The following NGRN variants were observed in gnomAD, a reference collection of about 807,000 sequenced individuals.
The protein encoded by NGRN is neugrin.
A neutral mutation model predicts 13.1 loss-of-function variants in NGRN; 12 were observed. The ratio of observed to expected loss-of-function variants is 0.92; its 90% CI spans 0.59 to 1.49. The LOEUF is 1.49. NGRN is among the 40% of genes most tolerant of loss of function. The pLI, the probability that NGRN is intolerant of heterozygous loss-of-function variation, is 0.00. For missense variants in NGRN, 397 were observed against 357.0 expected (o/e 1.11, Z -0.90); for synonymous variants, 149 against 145.8 (o/e 1.02, Z -0.16).
At position 90,266,330 on chromosome 15, in the gene NGRN, T is replaced by A; in HGVS notation, c.207T>A (p.Ile69=). The change falls in exon 2 of 3, where the codon ATT becomes ATA. Residue 69 remains isoleucine, a synonymous_variant. Transcript: ENST00000379095. ...RQKQAIRFQK[I]RRQMEAPGAP... is the part of the protein sequence containing the mutation. ...AACAAGCAATCCGATTCCAGAAAAT[T>A]CGGAGGCAAATGGAGGCGCCTGGTG... The A allele has an allele frequency of 6.2e-7, 1 of 1,613,866 alleles. No individual in the cohort carries two copies. Among genetic ancestry groups the A allele is most frequent in the Non-Finnish European group, 8.5e-7 (1 of 1,179,936 alleles).
chr15:90,271,207 C>G lies in NGRN; in HGVS notation c.295C>G (p.Pro99Ala), dbSNP rs1325908732. 1.2e-6 allele frequency: 2 copies of G among 1,611,436 alleles called. No homozygotes were observed. The highest frequency in any genetic ancestry group is 2.7e-5 in the African/African-American group (2 of 74,660). Reference protein sequence around the residue: ...EQIRYLHEEFPESWSVPRLAE... With the variant: ...EQIRYLHEEFAESWSVPRLAE... The stretch of plus-strand genomic sequence containing the variant: ...CCGTAGGTATTTACATGAGGAATTT[C>G]CAGAGTCCTGGTCAGTTCCCAGGTT... The change falls in exon 3 of 3, where the codon CCA becomes GCA. Residue 99 changes from proline (P) to alanine (A), a missense_variant. Physicochemically the swap from Pro to Ala is conservative, Grantham distance 27. Coordinates refer to ENST00000379095, the MANE Select transcript of NGRN (RefSeq NM_001033088.3).
In NGRN at chr15:90,266,411, A is replaced by T. The variant is rs1963422663; in HGVS notation, c.275+13A>T. ...TGGAGCAGATACGGTGAGACTCAGG[A>T]TACCTTGTTTGTATCCGCTGTGATG... is the stretch of plus-strand genomic sequence containing the variant. On this transcript the variant is annotated intron_variant, in intron 2 of 2. Transcript: ENST00000379095. 6 of 1,604,848 alleles carry T rather than the reference A, an allele frequency of 3.7e-6. No homozygotes were observed. In the East Asian group the frequency reaches 1.3e-4, roughly 36 times the overall value.
At chr15:90,271,118 G>C in intron 2 of NGRN, 70 bp from the exon 3 acceptor site, 1 of 1,530,690 alleles carries the variant, frequency 6.5e-7, no homozygotes, top group Non-Finnish European at 8.8e-7. Context: ...CTTTATCATA[G>C]GTATTGCGAG....
At chr15:90,267,860 A>AT (rs1325891134) in intron 2 of NGRN, among the ~76,000 whole-genome samples, 44 of 152,314 alleles carry the variant, frequency 2.9e-4, no homozygotes, top group Middle Eastern at 3.4e-3. Context: ...CCCTACATAG[A>AT]TTATGTACTA....
chr15:90,271,967 C>T lies in NGRN; in HGVS notation c.*179C>T. ...GATTCAAACTTCCTGTGGTAGTGCT[C>T]CCAGTCTGACCTCTGTAGACCTTCA... is the stretch of plus-strand genomic sequence containing the variant. On this transcript the variant is annotated 3_prime_UTR_variant, in exon 3 of 3. Transcript: ENST00000379095. The T allele has an allele frequency of 1.4e-6, 1 of 737,842 alleles. No individual in the cohort carries two copies. 45.7% of individuals were successfully genotyped at this position (737,842 alleles called of 1,614,324 possible).
At chr15:90,271,032 G>C (rs1010814121) in intron 2 of NGRN, among the ~76,000 whole-genome samples, 156 bp from the exon 3 acceptor site, 1 of 152,212 alleles carries the variant, frequency 6.6e-6, no homozygotes, top group Non-Finnish European at 1.5e-5. Context: ...CTGGGCTCAA[G>C]TGATCCGCCT....
chr15:90,268,946 A>ACCGCC (rs1354994348), intron 2 of NGRN, among the ~76,000 whole-genome samples: 2 of 29,946 alleles, frequency 6.7e-5, no homozygotes, highest in African/African-American at 2.5e-4. Context: ...GCTTTCTCCC[A>ACCGCC]CCCCCCCCCC....
chr15:90,270,974 C>T (rs1260699561), intron 2 of NGRN, among the ~76,000 whole-genome samples: 1 of 152,070 alleles, frequency 6.6e-6, no homozygotes, highest in Non-Finnish European at 1.5e-5. Flanking sequence ...TGCCTGTAAT[C>T]CCAGCTACTT....
rs901670971 is a variant in NGRN, at chr15:90,266,113, T to C, written c.165-175T>C. ...AGTTCGGCATGCTTACAGGCAGTTA[T>C]TGTTCTAGGTGTTAGCTTTCTGGGT... On this transcript the variant is annotated intron_variant, in intron 1 of 2. Transcript: ENST00000379095. 7.6e-6 allele frequency: 11 copies of C among 1,439,982 alleles called. No individual in the cohort carries two copies. In the Admixed American group the frequency reaches 8.7e-5, roughly 11 times the overall value. The allele number at this position is 1,439,982 out of a possible 1,614,324, so 89.2% of individuals were successfully genotyped here.
chr15:90,272,050 T>C lies in NGRN; in HGVS notation c.*262T>C. The C allele has an allele frequency of 2.3e-6, 1 of 441,074 alleles. No individual in the cohort carries two copies. The highest frequency in any genetic ancestry group is 4.0e-6 in the Non-Finnish European group (1 of 248,822). 27.3% of individuals were successfully genotyped at this position (441,074 alleles called of 1,614,324 possible). Reference sequence around the variant, plus strand: ...GTTGAAAGCCATCCCGTGTTGCATGTGTTGTTACAATTTTCTGTGATACTT... The same window carrying C: ...GTTGAAAGCCATCCCGTGTTGCATGCGTTGTTACAATTTTCTGTGATACTT... On this transcript the variant is annotated 3_prime_UTR_variant, in exon 3 of 3. Transcript: ENST00000379095.
chr15:90,271,497 G>A lies in NGRN; in HGVS notation c.585G>A (p.Glu195=), dbSNP rs764812147. The A allele has an allele frequency of 1.9e-6, 3 of 1,614,088 alleles. No homozygotes were observed. Among genetic ancestry groups the A allele is most frequent in the Admixed American group, 3.3e-5 (2 of 60,010 alleles). Residue 195 remains glutamate (E), a synonymous_variant, in exon 3 of 3, where the codon GAG becomes GAA. Coordinates refer to ENST00000379095, the MANE Select transcript of NGRN (RefSeq NM_001033088.3). The part of the protein sequence containing the change: ...PNHSTALKVI[E]SDTHRTNTPR... ...ACAGCACAGCTTTGAAAGTGATAGA[G>A]TCAGACACTCACAGGACAAATACAC...
In NGRN at chr15:90,266,396, A is replaced by C. The variant is rs144126274; in HGVS notation, c.273A>C (p.Ile91=). The C allele has an allele frequency of 1.6e-3, 2,567 of 1,612,230 alleles. 34 individuals are homozygous for C. The African/African-American group carries it at 0.03, about 19-fold the overall frequency. The change falls in exon 2 of 3, where the codon ATA becomes ATC. Residue 91 remains isoleucine, a splice_region_variant and synonymous_variant. Coordinates refer to ENST00000379095, the MANE Select transcript of NGRN (RefSeq NM_001033088.3). ...RTLTWEAMEQ[I]RYLHEEFPES... is the part of the protein sequence containing the mutation. ...TGACGTGGGAAGCCATGGAGCAGATACGGTGAGACTCAGGATACCTTGTTT... is the reference window on the plus strand; with the variant it reads ...TGACGTGGGAAGCCATGGAGCAGATCCGGTGAGACTCAGGATACCTTGTTT...
At chr15:90,270,953 G>A (rs928666117) in intron 2 of NGRN, among the ~76,000 whole-genome samples, 4 of 152,024 alleles carry the variant, frequency 2.6e-5, no homozygotes, top group Non-Finnish European at 4.4e-5. Context: ...CTTGTGCCAC[G>A]TGGTAGCTCA....
Position 90,269,045 on chromosome 15 carries a change from G to C in NGRN, c.276-2143G>C, listed in dbSNP as rs940084324. Among the ~76,000 whole-genome samples, 3 of 141,676 alleles carry C rather than the reference G, an allele frequency of 2.1e-5. 1 individual carries two copies. Among genetic ancestry groups the C allele is most frequent in the African/African-American group, 7.9e-5 (3 of 37,868 alleles). The allele number at this position is 141,676 out of a possible 152,430, so 92.9% of individuals were successfully genotyped here. ...GGAGTCTCATTCTGCTGCCAGGCTG[G>C]AGTGCAGTGGCATGATCTTGGCTCA... On this transcript the variant is annotated intron_variant, in intron 2 of 2. Coordinates refer to ENST00000379095, the MANE Select transcript of NGRN (RefSeq NM_001033088.3).
Position 90,271,464 on chromosome 15 carries a change from C to T in NGRN, c.552C>T (p.Asp184=), listed in dbSNP as rs1472197421. ...CAGGGCATGAAGCCTCATCTAAAGA[C>T]CCAAATCACAGCACAGCTTTGAAAG... ...LMPGHEASSK[D]PNHSTALKVI... The change falls in exon 3 of 3, where the codon GAC becomes GAT. Residue 184 remains aspartate, a synonymous_variant. Coordinates refer to ENST00000379095, the MANE Select transcript of NGRN (RefSeq NM_001033088.3). 3 of 1,614,040 alleles carry T rather than the reference C, an allele frequency of 1.9e-6. No individual in the cohort carries two copies. The highest frequency in any genetic ancestry group is 2.5e-6 in the Non-Finnish European group (3 of 1,180,012).
At chr15:90,267,226 TC>T (rs112699948) in intron 2 of NGRN, among the ~76,000 whole-genome samples, 3,415 of 152,072 alleles carry the variant, frequency 0.022, 137 homozygotes, top group African/African-American at 0.078. Flanking sequence ...AGAGATAGCC[TC>T]ATCATGTTGC....
At position 90,266,401 on chromosome 15, in the gene NGRN, G is replaced by T. The variant is rs9635390; in HGVS notation, c.275+3G>T. The T allele has an allele frequency of 1.2e-6, 2 of 1,611,224 alleles. No homozygotes were observed. The highest frequency in any genetic ancestry group is 2.7e-5 in the African/African-American group (2 of 74,882). On this transcript the variant is annotated splice_donor_region_variant and intron_variant, in intron 2 of 2. Coordinates refer to ENST00000379095, the MANE Select transcript of NGRN (RefSeq NM_001033088.3). ...TGGGAAGCCATGGAGCAGATACGGTGAGACTCAGGATACCTTGTTTGTATC... is the reference window on the plus strand; with the variant it reads ...TGGGAAGCCATGGAGCAGATACGGTTAGACTCAGGATACCTTGTTTGTATC...
intron 1 of NGRN, 52 bp downstream of exon 1, chr15:90,265,928 C>T: frequency 1.4e-6 from 2 of 1,434,194 alleles, no homozygotes; most frequent in South Asian, 1.5e-5. Context: ...CGTGCCCCGG[C>T]GCTCCAGGCC....
In NGRN at chr15:90,271,863, TTTCTGCA is replaced by T. The variant is rs1334632158; in HGVS notation, c.*77_*83del. 1.3e-6 allele frequency: 2 copies of T among 1,553,726 alleles called. No individual in the cohort carries two copies. Among genetic ancestry groups the T allele is most frequent in the Admixed American group, 3.7e-5 (2 of 54,162 alleles). On this transcript the variant is annotated 3_prime_UTR_variant, in exon 3 of 3. Coordinates refer to ENST00000379095, the MANE Select transcript of NGRN (RefSeq NM_001033088.3). ...ATTAATGTATATGGAACAGCCTGGA[TTTCTGCA>T]TATGGATAAGCCACCTTGGAATAGG...
Sources: gnomAD v4.1 joint callset for allele counts (sites outside exome capture counted in the v4.1 genomes callset) on GRCh38, gnomAD v4.1.1 for gene constraint, MANE v1.5 for transcripts, NCBI Gene and HGNC (gene_info 2026-07-23, HGNC 2026-07-21) for gene names.